Variants in IL17RA observed in about 807,000 individuals in gnomAD.
The protein encoded by IL17RA is interleukin-17 receptor A.
Under a neutral mutation model 50.4 loss-of-function variants are expected in IL17RA, and 34 were observed. The ratio of observed to expected loss-of-function variants is 0.67; its 90% CI spans 0.51 to 0.90. The LOEUF is 0.90. Ranked by LOEUF, IL17RA falls within the 40% of genes least tolerant of loss-of-function variation. The pLI is 0.00. For synonymous variants in IL17RA, 585 were observed against 510.4 expected (o/e 1.15, Z -1.97); for missense variants, 1,276 against 1,169.8 (o/e 1.09, Z -1.32).
At position 17,097,698 on chromosome 22, in the gene IL17RA, C is replaced by G. The variant is rs945125277; in HGVS notation, c.164-99C>G. 24 of 1,471,138 alleles carry G rather than the reference C, an allele frequency of 1.6e-5. No individual in the cohort carries two copies. The African/African-American group carries it at 2.9e-4, about 18-fold the overall frequency. 91.1% of individuals were successfully genotyped at this position (1,471,138 alleles called of 1,614,324 possible). On this transcript the variant is annotated intron_variant, in intron 2 of 12. Coordinates refer to ENST00000319363, the MANE Select transcript of IL17RA (RefSeq NM_014339.7). The stretch of plus-strand genomic sequence containing the variant: ...GGGCCACAGGCTGGAAGGCCGCGGG[C>G]CCCTGAGCTGTTTGCTGTCTAGCTG...
Position 17,115,217 on chromosome 22 carries a change from C to T in IL17RA, c.*5397C>T, listed in dbSNP as rs2061462482. The stretch of plus-strand genomic sequence containing the variant: ...AATCAATCACCTTATTTTACATCCG[C>T]TCCAGGGAGAAATGAAGACATGGTC... On this transcript the variant is annotated 3_prime_UTR_variant, in exon 13 of 13. Transcript: ENST00000319363. 6.6e-6 allele frequency: 1 copy of T among 152,254 alleles called. No homozygotes were observed. Among genetic ancestry groups the T allele is most frequent in the South Asian group, 2.1e-4 (1 of 4,838 alleles). The allele number at this position is 152,254 out of a possible 1,614,324, so 9.4% of individuals were successfully genotyped here.
intron 9 of IL17RA, 76 bp from the exon 10 acceptor site, chr22:17,105,515 C>A (rs777031798): frequency 1.3e-5 from 19 of 1,426,204 alleles, no homozygotes; most frequent in Non-Finnish European, 1.9e-5. Context: ...CCTCAAGGGA[C>A]GTCAGTTGTG....
intron 11 of IL17RA, among the ~76,000 whole-genome samples, chr22:17,107,348 C>A (rs1397128111): frequency 6.6e-6 from 1 of 152,220 alleles, no homozygotes. Context: ...GGACACCACC[C>A]CCTGCCCCCC....
rs1361479906 is a variant in IL17RA, at chr22:17,114,862, G to A, written c.*5042G>A. 1.3e-5 allele frequency: 2 copies of A among 152,286 alleles called. No homozygotes were observed. Among genetic ancestry groups the A allele is most frequent in the Non-Finnish European group, 1.5e-5 (1 of 68,056 alleles). The allele number at this position is 152,286 out of a possible 1,614,324, so 9.4% of individuals were successfully genotyped here. A position where few individuals can be genotyped will look rare whatever the true frequency, so the allele number is the denominator to read the frequency against. On this transcript the variant is annotated 3_prime_UTR_variant, in exon 13 of 13. Coordinates refer to ENST00000319363, the MANE Select transcript of IL17RA (RefSeq NM_014339.7). ...TGGCTTTTCTTCCTGACTGCAATGT[G>A]GCATTGTGCCAGCTACCTCCTCTTT... is the stretch of plus-strand genomic sequence containing the variant.
intron 1 of IL17RA, among the ~76,000 whole-genome samples, chr22:17,094,656 ACT>A (rs1207841287): frequency 0.052 from 1,506 of 29,198 alleles, 136 homozygotes; most frequent in Admixed American, 0.25. Context: ...TCATACACAC[ACT>A]CTCTCTCTCT....
rs2061436297 is a variant in IL17RA, at chr22:17,110,423, G to C, written c.*603G>C. 1 of 159,214 alleles carries C rather than the reference G, an allele frequency of 6.3e-6. No individual in the cohort carries two copies. Among genetic ancestry groups the C allele is most frequent in the African/African-American group, 2.4e-5 (1 of 40,960 alleles). The allele number at this position is 159,214 out of a possible 1,614,324, so 9.9% of individuals were successfully genotyped here. Reference sequence around the variant, plus strand: ...TGAGGCAGGAGAATTGCTTGAATCTGGGAGGCAGAGGTTGCAGTGAGCCGA... The same window carrying C: ...TGAGGCAGGAGAATTGCTTGAATCTCGGAGGCAGAGGTTGCAGTGAGCCGA... On this transcript the variant is annotated 3_prime_UTR_variant, in exon 13 of 13. Transcript: ENST00000319363.
chr22:17,085,408 G>C, intron 1 of IL17RA, 179 bp downstream of exon 1: 2 of 814,848 alleles, frequency 2.5e-6, no homozygotes, highest in South Asian at 5.6e-5. Context: ...GAGGACCCTC[G>C]GAGCGGTGGG....
At chr22:17,086,501 T>C (rs1210228601) in intron 1 of IL17RA, among the ~76,000 whole-genome samples, 2 of 152,112 alleles carry the variant, frequency 1.3e-5, no homozygotes, top group Admixed American at 6.5e-5. Context: ...CGTTCTGATA[T>C]GGAGGGTTGG....
In IL17RA at chr22:17,113,705, T is replaced by A. The variant is rs2061455116; in HGVS notation, c.*3885T>A. The A allele has an allele frequency of 6.6e-6, 1 of 152,050 alleles. No homozygotes were observed. The highest frequency in any genetic ancestry group is 2.1e-4 in the South Asian group (1 of 4,826). The allele number at this position is 152,050 out of a possible 1,614,324, so 9.4% of individuals were successfully genotyped here. A position where few individuals can be genotyped will look rare whatever the true frequency, so the allele number is the denominator to read the frequency against. On this transcript the variant is annotated 3_prime_UTR_variant, in exon 13 of 13. Transcript: ENST00000319363. The stretch of plus-strand genomic sequence containing the variant: ...AGGCCCGGGGCACCTGAGGACAGAG[T>A]GAGATGGAGGGCCGCTGCTCCAGCA...
chr22:17,094,990 C>T (rs2061363932), intron 1 of IL17RA, among the ~76,000 whole-genome samples: 1 of 151,504 alleles, frequency 6.6e-6, no homozygotes, highest in Admixed American at 6.6e-5. Context: ...CATTCAGTAC[C>T]ACAGAAAAAG....
intron 1 of IL17RA, chr22:17,093,611 G>A (rs371308465): frequency 1.3e-5 from 2 of 153,874 alleles, no homozygotes; most frequent in East Asian, 3.8e-4. Flanking sequence ...GACATCAACA[G>A]TTTGTTCTCA....
At chr22:17,087,438 C>G (rs2061332112) in intron 1 of IL17RA, among the ~76,000 whole-genome samples, 1 of 152,228 alleles carries the variant, frequency 6.6e-6, no homozygotes, top group Admixed American at 6.5e-5. Flanking sequence ...CATAACTATC[C>G]TCAGACAGGG....
chr22:17,100,141 T>TAAAAAA lies in IL17RA; in HGVS notation c.424-199_424-194dup, dbSNP rs35718705. 1.3e-3 allele frequency among the ~76,000 whole-genome samples: 164 copies of TAAAAAA among 121,534 alleles called. 5 individuals are homozygous for TAAAAAA. The highest frequency in any genetic ancestry group is 0.011 in the East Asian group (46 of 4,264). The allele number at this position is 121,534 out of a possible 152,430, so 79.7% of individuals were successfully genotyped here. ...CTACTGATGAGGCCAGATCCAGGTT[T>TAAAAAA]AAAAAAAAAAAAAAAAAAAACAGGC... On this transcript the variant is annotated intron_variant, in intron 4 of 12. Coordinates refer to ENST00000319363, the MANE Select transcript of IL17RA (RefSeq NM_014339.7).
chr22:17,096,826 C>T (rs188932932), intron 1 of IL17RA, among the ~76,000 whole-genome samples: 146 of 149,614 alleles, frequency 9.8e-4, no homozygotes, highest in Admixed American at 2.2e-3. Context: ...GCTGAGATCG[C>T]GCCACTGCAC....
intron 8 of IL17RA, among the ~76,000 whole-genome samples, chr22:17,104,148 A>G (rs867878263): frequency 5.5e-3 from 135 of 24,752 alleles, no homozygotes; most frequent in South Asian, 0.012. Context: ...GCACAGGTGG[A>G]GAGAGTGGTG....
Position 17,090,071 on chromosome 22 carries a change from G to A in IL17RA, c.138+4842G>A, listed in dbSNP as rs576214492. On this transcript the variant is annotated intron_variant, in intron 1 of 12. Coordinates refer to ENST00000319363, the MANE Select transcript of IL17RA (RefSeq NM_014339.7). ...GGAGTCTCGCTCTGTCACCCAGGCT[G>A]GAGTGCAGGGGCGCAATCTCTGCTC... 3.3e-5 allele frequency among the ~76,000 whole-genome samples: 5 copies of A among 151,970 alleles called. No homozygotes were observed. The South Asian group carries it at 1.0e-3, about 32-fold the overall frequency.
At chr22:17,097,471 C>A in intron 2 of IL17RA, 1 of 521,496 alleles carries the variant, frequency 1.9e-6, no homozygotes, top group South Asian at 2.1e-5. Flanking sequence ...AATTAGAGAC[C>A]CCTGACATAT....
Position 17,100,461 on chromosome 22 carries a change from C to A in IL17RA, c.530C>A (p.Ser177Tyr). ...CCTGATGGGGACCCAAACCACCAGTCCAAGAATTTCCTTGTGCCTGGTAAG... is the reference window on the plus strand; with the variant it reads ...CCTGATGGGGACCCAAACCACCAGTACAAGAATTTCCTTGTGCCTGGTAAG... ...PIPDGDPNHQ[S>Y]KNFLVPDCEH... Residue 177 changes from serine (S) to tyrosine (Y), a missense_variant, in exon 5 of 13, where the codon TCC becomes TAC. By Grantham distance (144) the Ser-to-Tyr change is moderately radical. Transcript: ENST00000319363. 6.2e-7 allele frequency: 1 copy of A among 1,614,170 alleles called. No homozygotes were observed. Among genetic ancestry groups the A allele is most frequent in the East Asian group, 2.2e-5 (1 of 44,888 alleles).
chr22:17,112,533 A>G lies in IL17RA; in HGVS notation c.*2713A>G, dbSNP rs1447148004. On this transcript the variant is annotated 3_prime_UTR_variant, in exon 13 of 13. Coordinates refer to ENST00000319363, the MANE Select transcript of IL17RA (RefSeq NM_014339.7). Reference sequence around the variant, plus strand: ...CATGACATAGAGAAAGGAGTCATAAATTCTCCAAGGTGTCTGTTTCTTCTT... The same window carrying G: ...CATGACATAGAGAAAGGAGTCATAAGTTCTCCAAGGTGTCTGTTTCTTCTT... The G allele has an allele frequency of 1.3e-5, 2 of 151,986 alleles. No homozygotes were observed. Among genetic ancestry groups the G allele is most frequent in the African/African-American group, 4.8e-5 (2 of 41,360 alleles). The allele number at this position is 151,986 out of a possible 1,614,324, so 9.4% of individuals were successfully genotyped here. A position where few individuals can be genotyped will look rare whatever the true frequency, so the allele number is the denominator to read the frequency against.
Sources: gnomAD v4.1 joint callset for allele counts (sites outside exome capture counted in the v4.1 genomes callset) on GRCh38, gnomAD v4.1.1 for gene constraint, MANE v1.5 for transcripts, NCBI Gene and HGNC (gene_info 2026-07-23, HGNC 2026-07-21) for gene names.